Variants in RGPD3 observed in about 807,000 individuals in gnomAD.
RGPD3 encodes the protein ranBP2-like and GRIP domain-containing protein 3.
Under a neutral mutation model 154.5 loss-of-function variants are expected in RGPD3, and 62 were observed. The ratio of observed to expected loss-of-function variants is 0.40; its 90% CI spans 0.33 to 0.50. The LOEUF (loss-of-function observed/expected upper bound fraction) is 0.50. Ranked by LOEUF, RGPD3 falls within the 20% of genes least tolerant of loss-of-function variation. The pLI is 0.59. For synonymous variants in RGPD3, 308 were observed against 607.0 expected, an observed-to-expected ratio of 0.51 and a Z score of 7.24; for missense variants, 919 against 1,716.8, an observed-to-expected ratio of 0.54 and a Z score of 8.21.
intron 18 of RGPD3, among the ~76,000 whole-genome samples, chr2:106,426,798 G>A (rs1677211510): frequency 6.6e-6 from 1 of 152,254 alleles, no homozygotes; most frequent in Non-Finnish European, 1.5e-5. Context: ...TTTCATGCCT[G>A]TACATGGAAG....
chr2:106,457,843 A>ATC (rs1678282189), intron 2 of RGPD3, among the ~76,000 whole-genome samples, 165 bp from the exon 3 acceptor site: 2 of 35,790 alleles, frequency 5.6e-5, no homozygotes, highest in Admixed American at 8.1e-4. Flanking sequence ...ATAGAAAGAA[A>ATC]TGGGTAATAC....
chr2:106,441,522 A>G (rs1427295793), intron 7 of RGPD3, 142 bp from the exon 8 acceptor site: 1 of 1,281,328 alleles, frequency 7.8e-7, no homozygotes, highest in African/African-American at 1.5e-5. Flanking sequence ...AAAGACTGCA[A>G]AAACTGGGAA....
chr2:106,415,734 A>G, intron 21 of RGPD3, 116 bp downstream of exon 21: 9 of 1,204,114 alleles, frequency 7.5e-6, no homozygotes, highest in Non-Finnish European at 9.5e-6. Flanking sequence ...TAATATAAAG[A>G]TCAAGACGTT....
upstream of RGPD3, among the ~76,000 whole-genome samples, chr2:106,470,261 A>T (rs748870248): frequency 4.5e-4 from 68 of 152,392 alleles, no homozygotes; most frequent in Middle Eastern, 6.8e-3. Context: ...CCTTATGACT[A>T]GGAGATGAAG....
intron 12 of RGPD3, among the ~76,000 whole-genome samples, chr2:106,435,640 CT>C (rs1466750511): frequency 2.0e-5 from 3 of 146,464 alleles, no homozygotes; most frequent in African/African-American, 7.5e-5. Flanking sequence ...CTACACTCAA[CT>C]TTTAAATGCT....
At chr2:106,448,108 CTTTTT>C (rs376235888) in intron 6 of RGPD3, among the ~76,000 whole-genome samples, 10 of 110,080 alleles carry the variant, frequency 9.1e-5, no homozygotes, top group African/African-American at 3.1e-4. Flanking sequence ...AATAAATTGT[CTTTTT>C]TTTTTTTTTT....
chr2:106,429,359 T>C (rs548880903), intron 18 of RGPD3, among the ~76,000 whole-genome samples: 72 of 151,742 alleles, frequency 4.7e-4, no homozygotes, highest in African/African-American at 1.7e-3. Flanking sequence ...CTCTATTCAA[T>C]AACATTTTTC....
At chr2:106,441,151 A>C in intron 8 of RGPD3, 142 bp downstream of exon 8, 1 of 843,694 alleles carries the variant, frequency 1.2e-6, no homozygotes, top group Non-Finnish European at 1.8e-6. Context: ...TCTCTTCCAT[A>C]CCTATTGCTC....
chr2:106,414,783 A>C (rs1676773901), intron 21 of RGPD3, among the ~76,000 whole-genome samples: 1 of 150,696 alleles, frequency 6.6e-6, no homozygotes, highest in Middle Eastern at 3.4e-3. Flanking sequence ...TATACAATTT[A>C]CTGAAAATAA....
rs1228373068 is a variant in RGPD3, at chr2:106,403,626, G to A, written c.*1593C>T. 6.6e-6 allele frequency among the ~76,000 whole-genome samples: 1 copy of A among 152,288 alleles called. No homozygotes were observed. The highest frequency in any genetic ancestry group is 6.5e-5 in the Admixed American group (1 of 15,292). On this transcript the variant is annotated 3_prime_UTR_variant, in exon 23 of 23. Coordinates refer to ENST00000409886, the MANE Select transcript of RGPD3 (RefSeq NM_001144013.2). Reference sequence around the variant, plus strand: ...AGTGAAATATATTTAAATATGATTAGTTACATCGTATGCAGCTGGCATACT... The same window carrying A: ...AGTGAAATATATTTAAATATGATTAATTACATCGTATGCAGCTGGCATACT...
At position 106,413,289 on chromosome 2, in the gene RGPD3, GT is replaced by G. The variant is rs1676729189; in HGVS notation, c.5065-5del. ...TTCTTATTTCACTTTTGAGAAGCTG[GT>G]GTTAGAGAAATGAGTTAAAAATGGG... On this transcript the variant is annotated splice_polypyrimidine_tract_variant and splice_region_variant and intron_variant, in intron 21 of 22. Transcript: ENST00000409886. 6.2e-7 allele frequency: 1 copy of G among 1,611,636 alleles called. No individual in the cohort carries two copies. The highest frequency in any genetic ancestry group is 1.3e-5 in the African/African-American group (1 of 74,764).
At chr2:106,414,027 G>A (rs971086923) in intron 21 of RGPD3, among the ~76,000 whole-genome samples, 2 of 152,112 alleles carry the variant, frequency 1.3e-5, no homozygotes, top group Non-Finnish European at 2.9e-5. Flanking sequence ...GAAGTCCCAG[G>A]CAGTTAAGAC....
In RGPD3 at chr2:106,468,240, C is replaced by T; in HGVS notation, c.49G>A (p.Gly17Ser). ...ACCTTTCGAGGCGACGGGGCGGAGC[C>T]CTGCACCGAGGCGACGTACCGCTCC... ...YGERYVASVQ[G>S]SAPSPRKKST... The change falls in exon 1 of 23, where the codon GGC becomes AGC. Residue 17 changes from glycine to serine, a missense_variant. Gly to Ser is a moderately conservative substitution (Grantham distance 56). Coordinates refer to ENST00000409886, the MANE Select transcript of RGPD3 (RefSeq NM_001144013.2). 1 of 1,607,832 alleles carries T rather than the reference C, an allele frequency of 6.2e-7. No homozygotes were observed. Among genetic ancestry groups the T allele is most frequent in the Non-Finnish European group, 8.5e-7 (1 of 1,178,270 alleles).
intron 1 of RGPD3, among the ~76,000 whole-genome samples, chr2:106,466,406 G>A (rs1319211346): frequency 1.4e-5 from 2 of 144,020 alleles, no homozygotes; most frequent in Non-Finnish European, 3.0e-5. Context: ...AGCGCGCCAG[G>A]GAGCAGCGCC....
At chr2:106,412,308 T>G (rs1181177744) in intron 22 of RGPD3, among the ~76,000 whole-genome samples, 12 of 88,000 alleles carry the variant, frequency 1.4e-4, no homozygotes, top group East Asian at 1.1e-3. Context: ...TTTTTTTTTT[T>G]TTTTTTTTTT....
chr2:106,462,184 TC>T (rs1310828040), intron 1 of RGPD3, among the ~76,000 whole-genome samples: 2 of 151,822 alleles, frequency 1.3e-5, no homozygotes, highest in Non-Finnish European at 2.9e-5. Flanking sequence ...CCCGGCCAGT[TC>T]CCCCTTTTCA....
At chr2:106,438,068 C>G (rs1454111821) in intron 9 of RGPD3, among the ~76,000 whole-genome samples, 3 of 152,092 alleles carry the variant, frequency 2.0e-5, no homozygotes, top group Non-Finnish European at 4.4e-5. Context: ...GTAGGGACTA[C>G]AGGCACATGC....
chr2:106,467,780 T>C (rs1190566622), intron 1 of RGPD3, among the ~76,000 whole-genome samples: 2 of 139,212 alleles, frequency 1.4e-5, no homozygotes, highest in Non-Finnish European at 3.1e-5. Flanking sequence ...GCCTGAGCCA[T>C]CAAGGCAGCC....
intron 1 of RGPD3, among the ~76,000 whole-genome samples, 188 bp downstream of exon 1, chr2:106,468,029 G>T (rs1179906376): frequency 1.4e-5 from 2 of 144,376 alleles, no homozygotes; most frequent in Admixed American, 6.8e-5. Context: ...GCGCCGGTCG[G>T]GAGCCATGAC....
Sources: allele counts gnomAD v4.1 joint callset (sites outside exome capture counted in the v4.1 genomes callset), GRCh38; gene constraint gnomAD v4.1.1; transcripts MANE v1.5; gene names NCBI Gene and HGNC (gene_info 2026-07-23, HGNC 2026-07-21).